PCDH15: variants seen among roughly 807,000 people sequenced by gnomAD.
The protein encoded by PCDH15 is protocadherin related 15, also known as protocadherin-15.
A neutral mutation model predicts 178.5 loss-of-function variants in PCDH15; 129 were observed. That is an observed-to-expected ratio of 0.72 (90% CI 0.63 to 0.84). The LOEUF is 0.84. Ranked by LOEUF, PCDH15 falls within the 40% of genes least tolerant of loss-of-function variation. PCDH15 has a pLI of 0.00. For missense variants in PCDH15, 2,230 were observed against 2,099.9 expected (o/e 1.06, Z -1.21); for synonymous variants, 800 against 732.0 (o/e 1.09, Z -1.50).
At chr10:54,360,157 G>A (rs1945767909) in intron 5 of PCDH15, among the ~76,000 whole-genome samples, 1 of 152,028 alleles carries the variant, frequency 6.6e-6, no homozygotes, top group African/African-American at 2.4e-5. Context: ...GTAGTATCAA[G>A]GAACTGGAGT....
At chr10:54,410,449 T>A (rs1422292449) in intron 3 of PCDH15, among the ~76,000 whole-genome samples, 3 of 152,130 alleles carry the variant, frequency 2.0e-5, no homozygotes, top group Non-Finnish European at 4.4e-5. Context: ...GAAGCTGGGG[T>A]TCAAAGGCAA....
chr10:55,214,101 G>T (rs1045826341), intron 1 of PCDH15, among the ~76,000 whole-genome samples: 2 of 151,844 alleles, frequency 1.3e-5, no homozygotes, highest in Admixed American at 6.6e-5. Context: ...AGTGCATTGT[G>T]TTCAAAGAAC....
At chr10:53,900,243 CTCTG>C (rs369853833) in intron 26 of PCDH15, among the ~76,000 whole-genome samples, 4 of 148,042 alleles carry the variant, frequency 2.7e-5, no homozygotes, top group Non-Finnish European at 6.0e-5. Flanking sequence ...CCCCCCCTCT[CTCTG>C]TCTGTCTCTC....
chr10:54,571,221 A>C (rs982361291), intron 2 of PCDH15, among the ~76,000 whole-genome samples: 1 of 152,020 alleles, frequency 6.6e-6, no homozygotes, highest in Non-Finnish European at 1.5e-5. Flanking sequence ...AAGCAACAAC[A>C]AAGTTTTGGG....
intron 2 of PCDH15, among the ~76,000 whole-genome samples, chr10:55,562,283 A>C (rs1299160058): frequency 6.6e-6 from 1 of 152,028 alleles, no homozygotes; most frequent in African/African-American, 2.4e-5. Context: ...TCATCAGTGA[A>C]ATTGAAATAA....
intron 2 of PCDH15, among the ~76,000 whole-genome samples, chr10:55,135,091 A>T (rs1371222799): frequency 5.3e-5 from 8 of 152,212 alleles, no homozygotes; most frequent in African/African-American, 1.9e-4. Context: ...TGAAAAGACA[A>T]TCATCATATT....
chr10:55,458,599 G>C (rs1375160157), intron 2 of PCDH15, among the ~76,000 whole-genome samples: 1 of 152,002 alleles, frequency 6.6e-6, no homozygotes, highest in Non-Finnish European at 1.5e-5. Flanking sequence ...GTGTCTATCA[G>C]ATGTCAGCAT....
At chr10:54,165,771 T>C (rs1441853366) in intron 13 of PCDH15, among the ~76,000 whole-genome samples, 1 of 152,172 alleles carries the variant, frequency 6.6e-6, no homozygotes, top group Non-Finnish European at 1.5e-5. Context: ...ACATGCAAGG[T>C]AGCCATCTTA....
At chr10:54,593,715 C>T (rs2092030254) in intron 2 of PCDH15, among the ~76,000 whole-genome samples, 1 of 151,962 alleles carries the variant, frequency 6.6e-6, no homozygotes, top group Non-Finnish European at 1.5e-5. Context: ...GTAAAGAATG[C>T]CATTGGAATT....
intron 9 of PCDH15, among the ~76,000 whole-genome samples, chr10:54,229,843 CTAAAGT>C (rs2053868698): frequency 6.6e-6 from 1 of 152,094 alleles, no homozygotes; most frequent in African/African-American, 2.4e-5. Context: ...ACAATCTTGC[CTAAAGT>C]TATTTATGTC....
intron 2 of PCDH15, among the ~76,000 whole-genome samples, chr10:55,560,787 T>C (rs1291750348): frequency 1.3e-5 from 2 of 151,894 alleles, no homozygotes; most frequent in African/African-American, 2.4e-5. Context: ...TTAATTAATA[T>C]ATCCTTTTTA....
chr10:54,914,536 T>A (rs1022733584), intron 2 of PCDH15, among the ~76,000 whole-genome samples: 34 of 152,158 alleles, frequency 2.2e-4, no homozygotes, highest in African/African-American at 8.2e-4. Context: ...GTTACTGGTT[T>A]TCCATGGAAA....
intron 2 of PCDH15, among the ~76,000 whole-genome samples, chr10:54,549,662 T>C (rs1261208652): frequency 6.6e-6 from 1 of 151,614 alleles, no homozygotes; most frequent in East Asian, 1.9e-4. Flanking sequence ...ATACCTTTGG[T>C]ATAGGTTTTT....
At chr10:54,377,200 T>G (rs1948575590) in intron 4 of PCDH15, among the ~76,000 whole-genome samples, 1 of 152,108 alleles carries the variant, frequency 6.6e-6, no homozygotes, top group African/African-American at 2.4e-5. Flanking sequence ...AAACATTAAA[T>G]GTTATTTTCC....
At chr10:54,288,329 AC>A (rs1000666544) in intron 8 of PCDH15, among the ~76,000 whole-genome samples, 3 of 151,934 alleles carry the variant, frequency 2.0e-5, no homozygotes, top group African/African-American at 7.3e-5. Context: ...CTAAATAAAT[AC>A]ATAAATAAGA....
intron 2 of PCDH15, among the ~76,000 whole-genome samples, chr10:54,619,703 CT>C (rs1255348741): frequency 3.3e-5 from 5 of 152,050 alleles, no homozygotes; most frequent in African/African-American, 4.8e-5. Flanking sequence ...CTATACTCCA[CT>C]TCTAACAAAA....
At chr10:54,672,565 A>G (rs1401697747) in intron 1 of PCDH15, among the ~76,000 whole-genome samples, 1 of 152,200 alleles carries the variant, frequency 6.6e-6, no homozygotes, top group African/African-American at 2.4e-5. Flanking sequence ...AGGGAACTCC[A>G]GGTGACTTCT....
chr10:55,371,070 G>A (rs907295816), intron 2 of PCDH15, among the ~76,000 whole-genome samples: 10 of 152,044 alleles, frequency 6.6e-5, no homozygotes, highest in Non-Finnish European at 1.0e-4. Flanking sequence ...CATAGTTTTA[G>A]CATGGTTTCA....
intron 2 of PCDH15, among the ~76,000 whole-genome samples, chr10:55,094,650 C>G (rs1267993886): frequency 6.6e-6 from 1 of 151,880 alleles, no homozygotes; most frequent in Non-Finnish European, 1.5e-5. Context: ...CATATGTTGC[C>G]AAACTGTATC....
Sources: allele counts gnomAD v4.1 joint callset (sites outside exome capture counted in the v4.1 genomes callset), GRCh38; gene constraint gnomAD v4.1.1; transcripts MANE v1.5; gene names NCBI Gene and HGNC (gene_info 2026-07-23, HGNC 2026-07-21).